The following CACNA2D2 variants were observed in gnomAD, a reference collection of about 807,000 sequenced individuals.
CACNA2D2 encodes the protein voltage-dependent calcium channel subunit alpha-2/delta-2.
A neutral mutation model predicts 166.4 loss-of-function variants in CACNA2D2; 48 were observed. The observed-to-expected ratio is 0.29, with a 90% confidence interval of 0.23 to 0.37. The LOEUF is 0.37. Ranked by LOEUF, CACNA2D2 falls within the 10% of genes least tolerant of loss-of-function variation. CACNA2D2 has a pLI of 1.00. For synonymous variants in CACNA2D2, 561 were observed against 573.7 expected (o/e 0.98, Z 0.32); for missense variants, 1,122 against 1,433.0 (o/e 0.78, Z 3.50).
intron 2 of CACNA2D2, among the ~76,000 whole-genome samples, chr3:50,466,812 C>A (rs918055384): frequency 6.6e-6 from 1 of 152,228 alleles, no homozygotes; most frequent in Non-Finnish European, 1.5e-5. Flanking sequence ...TCTCCATACC[C>A]CATTTGATGG....
chr3:50,463,955 G>A (rs1709703629), intron 2 of CACNA2D2, among the ~76,000 whole-genome samples: 1 of 152,230 alleles, frequency 6.6e-6, no homozygotes, highest in African/African-American at 2.4e-5. Context: ...CTCAGAAGGG[G>A]AGATGCTGAA....
chr3:50,412,055 C>G (rs568783730), intron 3 of CACNA2D2, among the ~76,000 whole-genome samples: 26 of 152,288 alleles, frequency 1.7e-4, no homozygotes, highest in African/African-American at 6.0e-4. Flanking sequence ...CCTTGACTTC[C>G]AGGAGGCTCA....
intron 3 of CACNA2D2, among the ~76,000 whole-genome samples, chr3:50,414,027 A>G (rs930257509): frequency 2.7e-5 from 4 of 150,856 alleles, no homozygotes; most frequent in Non-Finnish European, 5.9e-5. Context: ...TCTGATGTCT[A>G]GTGCCCTCTG....
At position 50,365,211 on chromosome 3, in the gene CACNA2D2, G is replaced by A; in HGVS notation, c.3099-27C>T. The A allele has an allele frequency of 6.2e-7, 1 of 1,607,352 alleles. No individual in the cohort carries two copies. The highest frequency in any genetic ancestry group is 8.5e-7 in the Non-Finnish European group (1 of 1,176,250). ...TGCGGGCAGCCCGGAAAGGCGGGGC[G>A]TTGAGTTTGCCCCGCCCTGACCCAC... On this transcript the variant is annotated intron_variant, in intron 35 of 37. Coordinates refer to ENST00000424201, the MANE Select transcript of CACNA2D2 (RefSeq NM_006030.4). This position sits in a 1 kb window ranked among gnomAD's most constrained non-coding sequence, Gnocchi z 4.5.
At chr3:50,429,236 A>G (rs997440178) in intron 3 of CACNA2D2, among the ~76,000 whole-genome samples, 1 of 151,992 alleles carries the variant, frequency 6.6e-6, no homozygotes, top group African/African-American at 2.4e-5. Flanking sequence ...TCTCCTAAAT[A>G]AATAAACCCT....
At chr3:50,370,427 A>C in intron 22 of CACNA2D2, 47 bp from the exon 23 acceptor site, 3 of 349,858 alleles carry the variant, frequency 8.6e-6, no homozygotes, top group Non-Finnish European at 1.4e-5. Context: ...GGGAGGCTGG[A>C]GGCCGGGGGG....
intron 3 of CACNA2D2, among the ~76,000 whole-genome samples, chr3:50,426,568 G>T (rs539813890): frequency 1.3e-5 from 2 of 152,166 alleles, no homozygotes; most frequent in Non-Finnish European, 2.9e-5. Flanking sequence ...TCGGTGGCTG[G>T]GTACAGGTGG....
At chr3:50,428,140 G>A (rs976130194) in intron 3 of CACNA2D2, among the ~76,000 whole-genome samples, 1 of 152,130 alleles carries the variant, frequency 6.6e-6, no homozygotes, top group African/African-American at 2.4e-5. Flanking sequence ...GCAACATTTG[G>A]CGGTATTTAG....
chr3:50,365,636 C>G lies in CACNA2D2; in HGVS notation c.2968G>C (p.Ala990Pro). Residue 990 changes from alanine (A) to proline (P), a missense_variant, in exon 34 of 38, where the codon GCA (alanine) becomes CCA (proline). By Grantham distance (27) the Ala-to-Pro change is conservative. Coordinates refer to ENST00000424201, the MANE Select transcript of CACNA2D2 (RefSeq NM_006030.4). The surrounding 1 kb of genome is among the most constrained non-coding windows in gnomAD (Gnocchi z 4.5). ...YGLIYHSWFQ[A>P]DPAEAEGSPE... ...GCGCCTCCAAAGCCCTACCTACCTG[C>G]TTGGAACCAGCTGTGGTAGATGAGG... 6.3e-7 allele frequency: 1 copy of G among 1,578,188 alleles called. No individual in the cohort carries two copies. The highest frequency in any genetic ancestry group is 8.6e-7 in the Non-Finnish European group (1 of 1,161,952).
intron 2 of CACNA2D2, among the ~76,000 whole-genome samples, chr3:50,442,161 G>C (rs563706699): frequency 1.3e-5 from 2 of 152,310 alleles, no homozygotes; most frequent in Admixed American, 1.3e-4. Context: ...TTGGGGACAG[G>C]TTTGGAGTGA....
chr3:50,497,398 G>C (rs1475001148), intron 1 of CACNA2D2, among the ~76,000 whole-genome samples: 3 of 152,228 alleles, frequency 2.0e-5, no homozygotes, highest in African/African-American at 7.2e-5. Context: ...GAACTCCTTT[G>C]TGAATATTCT....
intron 2 of CACNA2D2, among the ~76,000 whole-genome samples, chr3:50,448,574 T>C (rs1409103203): frequency 2.0e-5 from 3 of 152,144 alleles, no homozygotes; most frequent in Non-Finnish European, 4.4e-5. Flanking sequence ...CTGGTGTGTA[T>C]ATGCCCAGGT....
At chr3:50,476,264 G>A (rs1052757035) in intron 1 of CACNA2D2, 65 bp from the exon 2 acceptor site, 140 of 1,333,152 alleles carry the variant, frequency 1.1e-4, no homozygotes, top group South Asian at 1.8e-4. Flanking sequence ...CCCCACCCCA[G>A]CCAACCCGGG....
intron 3 of CACNA2D2, among the ~76,000 whole-genome samples, chr3:50,422,379 C>T (rs1196200432): frequency 2.0e-5 from 3 of 152,194 alleles, no homozygotes; most frequent in Non-Finnish European, 4.4e-5. Flanking sequence ...TGTCAGAATG[C>T]TCCTCCCTGC....
intron 3 of CACNA2D2, among the ~76,000 whole-genome samples, chr3:50,414,615 G>A (rs957781882): frequency 1.3e-5 from 2 of 152,202 alleles, no homozygotes; most frequent in Non-Finnish European, 2.9e-5. Flanking sequence ...GTTGACAGAT[G>A]CCGCCCAAAG....
chr3:50,489,160 G>A (rs986369805), intron 1 of CACNA2D2, among the ~76,000 whole-genome samples: 4 of 152,160 alleles, frequency 2.6e-5, no homozygotes, highest in African/African-American at 9.7e-5. Flanking sequence ...TAAAGATGAG[G>A]TAACTGGGGC....
At chr3:50,428,287 C>T (rs952010779) in intron 3 of CACNA2D2, among the ~76,000 whole-genome samples, 6 of 152,164 alleles carry the variant, frequency 3.9e-5, no homozygotes, top group African/African-American at 1.4e-4. Flanking sequence ...AAGATGTCAG[C>T]AGTGCCGAGG....
Position 50,367,917 on chromosome 3 carries a change from G to C in CACNA2D2, c.2144-15C>G. On this transcript the variant is annotated splice_polypyrimidine_tract_variant and intron_variant, in intron 24 of 37. Coordinates refer to ENST00000424201, the MANE Select transcript of CACNA2D2 (RefSeq NM_006030.4). This position sits in a 1 kb window ranked among gnomAD's most constrained non-coding sequence, Gnocchi z 6.5. ...GAAGTTGTTGCCTGGAACAGGAGGG[G>C]AGGGGTGGGGGTGGGGGCATCTTCT... is the stretch of plus-strand genomic sequence containing the variant. 6.8e-7 allele frequency: 1 copy of C among 1,479,654 alleles called. No individual in the cohort carries two copies. The highest frequency in any genetic ancestry group is 9.4e-7 in the Non-Finnish European group (1 of 1,064,952). The allele number at this position is 1,479,654 out of a possible 1,614,324, so 91.7% of individuals were successfully genotyped here.
intron 6 of CACNA2D2, among the ~76,000 whole-genome samples, chr3:50,382,540 C>CT (rs1421304033): frequency 6.6e-6 from 1 of 152,256 alleles, no homozygotes; most frequent in Non-Finnish European, 1.5e-5. Context: ...GTTCCTGTGG[C>CT]TTCCCGTAAC....
Sources: gnomAD v4.1 joint callset for allele counts (sites outside exome capture counted in the v4.1 genomes callset) on GRCh38, gnomAD v4.1.1 for gene constraint, Gnocchi (gnomAD v3.1) non-coding constraint, MANE v1.5 for transcripts, NCBI Gene and HGNC (gene_info 2026-07-23, HGNC 2026-07-21) for gene names.